CACNB4: variants seen among roughly 807,000 people sequenced by gnomAD.
The protein encoded by CACNB4 is calcium voltage-gated channel auxiliary subunit beta 4.
A neutral mutation model predicts 71.2 loss-of-function variants in CACNB4; 32 were observed. The ratio of observed to expected loss-of-function variants is 0.45; its 90% CI spans 0.34 to 0.60. CACNB4 has a LOEUF of 0.60. Ranked by LOEUF, CACNB4 falls within the 20% of genes least tolerant of loss-of-function variation. CACNB4 has a pLI of 0.01. For missense variants in CACNB4, 464 were observed against 647.9 expected, an observed-to-expected ratio of 0.72 and a Z score of 3.08; for synonymous variants, 231 against 236.9, an observed-to-expected ratio of 0.97 and a Z score of 0.23.
chr2:151,953,320 T>C (rs755044600), intron 2 of CACNB4, among the ~76,000 whole-genome samples: 6 of 152,172 alleles, frequency 3.9e-5, no homozygotes, highest in Non-Finnish European at 8.8e-5. Context: ...TCCTTACTCG[T>C]GTGCCCGTAC....
At chr2:152,090,497 G>C (rs6712788) in intron 2 of CACNB4, among the ~76,000 whole-genome samples, 23,203 of 151,900 alleles carry the variant, frequency 0.15, 2,456 homozygotes, top group East Asian at 0.56. Context: ...TACAAAATTA[G>C]CCAGGCGTGG....
intron 2 of CACNB4, among the ~76,000 whole-genome samples, chr2:152,065,257 G>A (rs571332622): frequency 1.7e-4 from 26 of 152,082 alleles, no homozygotes; most frequent in African/African-American, 4.8e-4. Flanking sequence ...GGTGATGCAC[G>A]CCTATAATCC....
intron 2 of CACNB4, among the ~76,000 whole-genome samples, chr2:151,905,002 A>C (rs570293531): frequency 3.9e-5 from 6 of 152,310 alleles, no homozygotes; most frequent in Admixed American, 1.3e-4. Flanking sequence ...AAGAACTAGA[A>C]TGCTATCATT....
At chr2:151,876,311 T>C (rs1578583449) in intron 5 of CACNB4, 115 bp downstream of exon 5, 1 of 820,514 alleles carries the variant, frequency 1.2e-6, no homozygotes. Context: ...TCTGTGTCAG[T>C]TTCAGAAACA....
intron 9 of CACNB4, chr2:151,861,854 A>AAAAAAAAAAAAAAAAAAAAAAC (rs1559883066): frequency 1.1e-4 from 16 of 150,118 alleles, no homozygotes; most frequent in African/African-American, 3.8e-4. Context: ...AAAAAAAAAA[A>AAAAAAAAAAAAAAAAAAAAAAC]AAAACTGAAG....
At chr2:151,888,950 G>C (rs1229907487) in intron 2 of CACNB4, among the ~76,000 whole-genome samples, 5 of 152,260 alleles carry the variant, frequency 3.3e-5, no homozygotes, top group Non-Finnish European at 7.4e-5. Flanking sequence ...AGCCACATGT[G>C]GTTATTGAGC....
chr2:152,040,337 T>C (rs1249290423), intron 2 of CACNB4, among the ~76,000 whole-genome samples: 2 of 152,206 alleles, frequency 1.3e-5, no homozygotes, highest in Admixed American at 6.5e-5. Flanking sequence ...CAGATAATAA[T>C]TGAACCAAAG....
intron 2 of CACNB4, among the ~76,000 whole-genome samples, chr2:151,926,681 T>C (rs1418056181): frequency 6.6e-6 from 1 of 152,202 alleles, no homozygotes; most frequent in Non-Finnish European, 1.5e-5. Context: ...TTGTGGATAT[T>C]TTCATATTAC....
Position 152,098,753 on chromosome 2 carries a change from A to C in CACNB4, c.63+196T>G, listed in dbSNP as rs1319197665. The C allele has an allele frequency of 1.4e-6, 2 of 1,446,762 alleles. No individual in the cohort carries two copies. The highest frequency in any genetic ancestry group is 2.9e-5 in the African/African-American group (2 of 69,892). The allele number at this position is 1,446,762 out of a possible 1,614,324, so 89.6% of individuals were successfully genotyped here. A position where few individuals can be genotyped will look rare whatever the true frequency, so the allele number is the denominator to read the frequency against. On this transcript the variant is annotated intron_variant, in intron 1 of 13. Transcript: ENST00000539935. This position sits in a 1 kb window ranked among gnomAD's most constrained non-coding sequence, Gnocchi z 5.3. Reference sequence around the variant, plus strand: ...AGAGACCCGAAGGAGGGTGAGGAGGAGGAGGAAGAGAAGGAGGAGAAAGAG... The same window carrying C: ...AGAGACCCGAAGGAGGGTGAGGAGGCGGAGGAAGAGAAGGAGGAGAAAGAG...
chr2:152,098,984 C>A lies in CACNB4; in HGVS notation c.28G>T (p.Gly10Trp). The A allele has an allele frequency of 6.5e-7, 1 of 1,533,000 alleles. No homozygotes were observed. The highest frequency in any genetic ancestry group is 8.8e-7 in the Non-Finnish European group (1 of 1,142,484). The allele number at this position is 1,533,000 out of a possible 1,614,324, so 95.0% of individuals were successfully genotyped here. Residue 10 changes from glycine (G) to tryptophan (W), a missense_variant, in exon 1 of 14, where the codon GGG becomes TGG. Gly to Trp is a radical substitution (Grantham distance 184). Transcript: ENST00000539935. This position sits in a 1 kb window ranked among gnomAD's most constrained non-coding sequence, Gnocchi z 5.3. ...GGGGAGTGCGGCCCGTCCGCGGTCCCGTTCTTGGCGTAGGAGGAGGAGGAC... is the reference window on the plus strand; with the variant it reads ...GGGGAGTGCGGCCCGTCCGCGGTCCAGTTCTTGGCGTAGGAGGAGGAGGAC... MSSSSYAKN[G>W]TADGPHSPTS... is the part of the protein sequence containing the mutation.
At chr2:152,023,004 A>G (rs1683758138) in intron 2 of CACNB4, among the ~76,000 whole-genome samples, 2 of 152,176 alleles carry the variant, frequency 1.3e-5, no homozygotes, top group African/African-American at 4.8e-5. Context: ...AAGAGGTGTC[A>G]TTGACTCACA....
intron 2 of CACNB4, among the ~76,000 whole-genome samples, chr2:151,919,044 G>A (rs566001482): frequency 6.6e-6 from 1 of 152,272 alleles, no homozygotes; most frequent in East Asian, 1.9e-4. Flanking sequence ...AACCACAGGG[G>A]TAAGTTCTCT....
chr2:152,042,927 A>G (rs1684953142), intron 2 of CACNB4, among the ~76,000 whole-genome samples: 1 of 152,196 alleles, frequency 6.6e-6, no homozygotes, highest in African/African-American at 2.4e-5. Flanking sequence ...CAAGATGGAG[A>G]GGAGCGTGAC....
intron 2 of CACNB4, among the ~76,000 whole-genome samples, chr2:151,884,784 T>C (rs1352933089): frequency 6.6e-6 from 1 of 152,186 alleles, no homozygotes; most frequent in Non-Finnish European, 1.5e-5. Flanking sequence ...CCTTACAGTT[T>C]CCTTAAGCTG....
At chr2:151,924,487 T>G (rs1242404428) in intron 2 of CACNB4, among the ~76,000 whole-genome samples, 2 of 151,330 alleles carry the variant, frequency 1.3e-5, no homozygotes, top group Non-Finnish European at 2.9e-5. Context: ...TATGGAGGGA[T>G]CTTCTTACCT....
At chr2:151,870,388 A>G in intron 8 of CACNB4, 143 bp downstream of exon 8, 1 of 727,768 alleles carries the variant, frequency 1.4e-6, no homozygotes, top group Non-Finnish European at 2.5e-6. Flanking sequence ...CATGAGCCCC[A>G]CACGGTACCC....
chr2:151,859,587 A>C (rs887289016), intron 10 of CACNB4: 1 of 152,202 alleles, frequency 6.6e-6, no homozygotes, highest in African/African-American at 2.4e-5. Context: ...TCAAGGTCAA[A>C]ATACTGTGCC....
intron 2 of CACNB4, among the ~76,000 whole-genome samples, chr2:151,908,663 G>C (rs2099855393): frequency 6.6e-6 from 1 of 152,204 alleles, no homozygotes; most frequent in Non-Finnish European, 1.5e-5. Context: ...CATACTTTAA[G>C]AATTTGAAAG....
At chr2:152,047,050 T>G (rs1685174320) in intron 2 of CACNB4, among the ~76,000 whole-genome samples, 1 of 152,158 alleles carries the variant, frequency 6.6e-6, no homozygotes, top group African/African-American at 2.4e-5. Flanking sequence ...TCAAGGGAAA[T>G]TCTGGGTACC....
Sources: gnomAD v4.1 joint callset for allele counts (sites outside exome capture counted in the v4.1 genomes callset) on GRCh38, gnomAD v4.1.1 for gene constraint, Gnocchi (gnomAD v3.1) non-coding constraint, MANE v1.5 for transcripts, NCBI Gene and HGNC (gene_info 2026-07-23, HGNC 2026-07-21) for gene names.